Variants in TMTC2 observed in about 807,000 individuals in gnomAD.
TMTC2 encodes the protein transmembrane O-mannosyltransferase targeting cadherins 2, also known as protein O-mannosyl-transferase TMTC2.
A neutral mutation model predicts 82.4 loss-of-function variants in TMTC2; 43 were observed. The observed-to-expected ratio is 0.52, with a 90% CI of 0.41 to 0.67. The LOEUF (loss-of-function observed/expected upper bound fraction) is 0.67, where lower values mean the gene tolerates loss of function less well. TMTC2 is among the 30% of genes least tolerant of loss of function. The pLI, the probability that TMTC2 is intolerant of heterozygous loss-of-function variation, is 0.00. For missense variants in TMTC2, 919 were observed against 1,012.4 expected, an observed-to-expected ratio of 0.91 and a Z score of 1.25; for synonymous variants, 408 against 381.9, an observed-to-expected ratio of 1.07 and a Z score of -0.80.
At chr12:82,825,070 C>T (rs1374287569) in intron 1 of TMTC2, among the ~76,000 whole-genome samples, 1 of 142,034 alleles carries the variant, frequency 7.0e-6, no homozygotes, top group Non-Finnish European at 1.5e-5. Context: ...GTCTGAGTGA[C>T]AAAACAAGAC....
chr12:83,061,911 T>G, intron 11 of TMTC2, 80 bp downstream of exon 11: 1 of 1,117,252 alleles, frequency 9.0e-7, no homozygotes, highest in Non-Finnish European at 1.2e-6. Flanking sequence ...ATCATGATAC[T>G]GGTTTTTTGT....
At chr12:82,987,463 G>A (rs1879205814) in intron 8 of TMTC2, among the ~76,000 whole-genome samples, 1 of 150,228 alleles carries the variant, frequency 6.7e-6, no homozygotes, top group Non-Finnish European at 1.5e-5. Flanking sequence ...AATCATATAG[G>A]TAGACTAAGT....
chr12:83,106,593 A>T (rs1174196084), intron 11 of TMTC2, among the ~76,000 whole-genome samples: 1 of 152,176 alleles, frequency 6.6e-6, no homozygotes, highest in Non-Finnish European at 1.5e-5. Flanking sequence ...CCTACCATGA[A>T]TTACTGTTTG....
At chr12:83,103,198 G>A (rs376241876) in intron 11 of TMTC2, among the ~76,000 whole-genome samples, 28 of 152,298 alleles carry the variant, frequency 1.8e-4, no homozygotes, top group African/African-American at 6.7e-4. Flanking sequence ...TCCAATAGCA[G>A]CCCTGCTTGC....
intron 1 of TMTC2, among the ~76,000 whole-genome samples, chr12:82,730,618 G>T (rs1874745361): frequency 6.6e-6 from 1 of 152,182 alleles, no homozygotes; most frequent in Non-Finnish European, 1.5e-5. Flanking sequence ...GTACAGTTGT[G>T]TATCACATAT....
At chr12:83,100,061 C>T (rs545979007) in intron 11 of TMTC2, among the ~76,000 whole-genome samples, 15 of 151,876 alleles carry the variant, frequency 9.9e-5, no homozygotes, top group Middle Eastern at 3.4e-3. Context: ...CTGGGATTCC[C>T]GGCGCCCGCC....
intron 1 of TMTC2, among the ~76,000 whole-genome samples, chr12:82,763,778 A>C (rs1319691074): frequency 6.6e-6 from 1 of 152,228 alleles, no homozygotes; most frequent in Admixed American, 6.5e-5. Context: ...AAAGAGAACC[A>C]AGCTAATATG....
At chr12:82,916,416 G>C (rs112693496) in intron 3 of TMTC2, among the ~76,000 whole-genome samples, 1 of 151,574 alleles carries the variant, frequency 6.6e-6, no homozygotes, top group East Asian at 1.9e-4. Context: ...AGGGACATAG[G>C]GCAAAATTGA....
At chr12:82,872,334 C>A (rs1872244046) in intron 2 of TMTC2, among the ~76,000 whole-genome samples, 1 of 152,116 alleles carries the variant, frequency 6.6e-6, no homozygotes, top group Non-Finnish European at 1.5e-5. Flanking sequence ...GTGCATATAC[C>A]CTGGAGGTTG....
intron 1 of TMTC2, among the ~76,000 whole-genome samples, chr12:82,785,205 A>T (rs1878119523): frequency 6.6e-6 from 1 of 152,112 alleles, no homozygotes; most frequent in African/African-American, 2.4e-5. Context: ...TAGATGAGAA[A>T]GACTTAGCGG....
chr12:82,946,701 CAT>C (rs1877013069), intron 4 of TMTC2, among the ~76,000 whole-genome samples: 1 of 151,682 alleles, frequency 6.6e-6, no homozygotes, highest in African/African-American at 2.4e-5. Context: ...CTAGAAACCA[CAT>C]GTCATCATCA....
chr12:82,963,546 G>A (rs1409387930), intron 4 of TMTC2, among the ~76,000 whole-genome samples: 1 of 151,250 alleles, frequency 6.6e-6, no homozygotes, highest in Admixed American at 6.6e-5. Context: ...TAGCTAATAT[G>A]TATGAGTTTA....
chr12:82,961,773 A>G (rs1682580), intron 4 of TMTC2, among the ~76,000 whole-genome samples: 129,296 of 151,968 alleles, frequency 0.85, 56,287 homozygotes, highest in East Asian at 1. Context: ...CAGTACAGTA[A>G]TTTTCTACAC....
At chr12:82,693,462 A>G (rs1034879876) in intron 1 of TMTC2, among the ~76,000 whole-genome samples, 1 of 151,936 alleles carries the variant, frequency 6.6e-6, no homozygotes, top group Admixed American at 6.5e-5. Flanking sequence ...TTTTTCTTGG[A>G]TGTCTGAACT....
chr12:83,071,328 T>C (rs1277238063), intron 11 of TMTC2, among the ~76,000 whole-genome samples: 5 of 152,060 alleles, frequency 3.3e-5, no homozygotes, highest in Non-Finnish European at 7.4e-5. Context: ...CTAATTTTTT[T>C]TGTATTTTTT....
At chr12:82,770,826 T>C (rs957084029) in intron 1 of TMTC2, among the ~76,000 whole-genome samples, 1 of 152,200 alleles carries the variant, frequency 6.6e-6, no homozygotes, top group African/African-American at 2.4e-5. Context: ...GTTTCCTTGC[T>C]TATTATCTAT....
At chr12:82,889,231 C>T (rs892921188) in intron 2 of TMTC2, among the ~76,000 whole-genome samples, 4 of 149,032 alleles carry the variant, frequency 2.7e-5, no homozygotes, top group Non-Finnish European at 4.4e-5. Context: ...GAGCCGAGAT[C>T]GTACCATTGC....
chr12:83,054,960 A>G (rs888366266), intron 10 of TMTC2, among the ~76,000 whole-genome samples: 12 of 152,030 alleles, frequency 7.9e-5, no homozygotes, highest in Admixed American at 6.6e-4. Context: ...TTTTCTAAAG[A>G]GTGTTCTATA....
At chr12:83,070,645 A>G (rs1439458440) in intron 11 of TMTC2, among the ~76,000 whole-genome samples, 1 of 152,166 alleles carries the variant, frequency 6.6e-6, no homozygotes, top group African/African-American at 2.4e-5. Flanking sequence ...AAACAGTGAC[A>G]GTTTGACTTC....
Sources: gnomAD v4.1 joint callset for allele counts (sites outside exome capture counted in the v4.1 genomes callset) on GRCh38, gnomAD v4.1.1 for gene constraint, MANE v1.5 for transcripts, NCBI Gene and HGNC (gene_info 2026-07-23, HGNC 2026-07-21) for gene names.